The following NKAIN2 variants were observed in gnomAD, a reference collection of about 807,000 sequenced individuals.
NKAIN2 encodes sodium/potassium transporting ATPase interacting 2, also known as sodium/potassium-transporting ATPase subunit beta-1-interacting protein 2.
Under a neutral mutation model 32.6 loss-of-function variants are expected in NKAIN2, and 14 were observed. The ratio of observed to expected loss-of-function variants is 0.43; its 90% CI spans 0.28 to 0.67. The LOEUF (loss-of-function observed/expected upper bound fraction) is 0.67. Among genes scored for constraint, NKAIN2 ranks in the 30% least tolerant of loss-of-function variants. The pLI, the probability that NKAIN2 is intolerant of heterozygous loss-of-function variation, is 0.17. For synonymous variants in NKAIN2, 80 were observed against 87.2 expected, an observed-to-expected ratio of 0.92 and a Z score of 0.46; for missense variants, 198 against 258.3, an observed-to-expected ratio of 0.77 and a Z score of 1.60.
chr6:123,869,203 A>C (rs1263222082), intron 1 of NKAIN2, among the ~76,000 whole-genome samples: 1 of 152,250 alleles, frequency 6.6e-6, no homozygotes, highest in African/African-American at 2.4e-5. Flanking sequence ...CAGTTACTCC[A>C]TAAAATAGGC....
intron 1 of NKAIN2, among the ~76,000 whole-genome samples, chr6:123,892,214 G>A (rs1362130927): frequency 6.6e-6 from 1 of 152,158 alleles, no homozygotes; most frequent in Non-Finnish European, 1.5e-5. Flanking sequence ...AATGTGCAGT[G>A]CCCTTTAACA....
chr6:124,181,324 T>C (rs531700830), intron 1 of NKAIN2, among the ~76,000 whole-genome samples: 5 of 152,230 alleles, frequency 3.3e-5, no homozygotes, highest in African/African-American at 1.2e-4. Flanking sequence ...TGGGAGGGGA[T>C]TCCATGAAGA....
chr6:124,640,680 G>C (rs148302524), intron 3 of NKAIN2, among the ~76,000 whole-genome samples: 1 of 152,302 alleles, frequency 6.6e-6, no homozygotes, highest in East Asian at 1.9e-4. Flanking sequence ...GCGTGAAAGA[G>C]AGAAGACTCA....
At chr6:124,163,510 G>T (rs1270098132) in intron 1 of NKAIN2, among the ~76,000 whole-genome samples, 1 of 124,768 alleles carries the variant, frequency 8.0e-6, no homozygotes, top group African/African-American at 2.6e-5. Context: ...CTCAAATGAT[G>T]TTTCTAAACA....
chr6:124,596,228 G>A (rs1185507300), intron 3 of NKAIN2, among the ~76,000 whole-genome samples: 1 of 152,164 alleles, frequency 6.6e-6, no homozygotes, highest in Non-Finnish European at 1.5e-5. Flanking sequence ...TACTTAGGGG[G>A]CATCAGGGAT....
At chr6:124,782,462 A>T (rs1779314050) in intron 4 of NKAIN2, among the ~76,000 whole-genome samples, 1 of 152,102 alleles carries the variant, frequency 6.6e-6, no homozygotes. Flanking sequence ...GCAACTAAAT[A>T]TTTTAATACA....
intron 3 of NKAIN2, among the ~76,000 whole-genome samples, chr6:124,498,779 G>A (rs1778168259): frequency 6.6e-6 from 1 of 152,014 alleles, no homozygotes. Flanking sequence ...TTACATCAGT[G>A]GGTAGTATTT....
chr6:124,134,467 C>T (rs957345352), intron 1 of NKAIN2, among the ~76,000 whole-genome samples: 22 of 152,152 alleles, frequency 1.4e-4, no homozygotes, highest in African/African-American at 5.1e-4. Flanking sequence ...GGGTGGATCA[C>T]ATGCTCAGGA....
intron 1 of NKAIN2, among the ~76,000 whole-genome samples, chr6:123,838,187 T>C (rs1422227384): frequency 6.6e-6 from 1 of 152,144 alleles, no homozygotes; most frequent in Non-Finnish European, 1.5e-5. Flanking sequence ...TTTTCTGAAA[T>C]CAAGAGAACT....
intron 1 of NKAIN2, among the ~76,000 whole-genome samples, chr6:124,220,162 T>G (rs542543404): frequency 6.6e-6 from 1 of 152,086 alleles, no homozygotes; most frequent in South Asian, 2.1e-4. Flanking sequence ...TAATAGTGAG[T>G]GAGTTCTCAC....
chr6:124,011,479 T>C (rs1432328318), intron 1 of NKAIN2, among the ~76,000 whole-genome samples: 1 of 152,064 alleles, frequency 6.6e-6, no homozygotes, highest in East Asian at 1.9e-4. Context: ...ATAGTCAACT[T>C]ATCCAAAACC....
chr6:124,233,921 A>G (rs953190003), intron 1 of NKAIN2, among the ~76,000 whole-genome samples: 1 of 152,152 alleles, frequency 6.6e-6, no homozygotes, highest in Non-Finnish European at 1.5e-5. Context: ...GTTTTCCCCC[A>G]TTAGTAATCA....
intron 1 of NKAIN2, among the ~76,000 whole-genome samples, chr6:124,270,125 A>G (rs1794689927): frequency 6.6e-6 from 1 of 152,150 alleles, no homozygotes; most frequent in Non-Finnish European, 1.5e-5. Flanking sequence ...CCTGATGACA[A>G]CAGCTCACAC....
At chr6:124,822,162 T>C (rs1045766175) in intron 6 of NKAIN2, among the ~76,000 whole-genome samples, 4 of 152,182 alleles carry the variant, frequency 2.6e-5, no homozygotes, top group Admixed American at 6.5e-5. Context: ...CTTTTCAACT[T>C]CATAGCCCAC....
intron 4 of NKAIN2, among the ~76,000 whole-genome samples, chr6:124,675,639 A>G (rs1418813836): frequency 3.3e-5 from 5 of 152,044 alleles, no homozygotes; most frequent in Admixed American, 6.6e-5. Flanking sequence ...TTGTTGCTGT[A>G]TAATTATTCA....
At chr6:124,696,425 T>C (rs1176938850) in intron 4 of NKAIN2, among the ~76,000 whole-genome samples, 1 of 152,228 alleles carries the variant, frequency 6.6e-6, no homozygotes, top group African/African-American at 2.4e-5. Flanking sequence ...ACATACAAAC[T>C]GGTTTTGCTT....
chr6:124,576,345 A>ATT (rs34113391), intron 3 of NKAIN2, among the ~76,000 whole-genome samples: 12 of 152,076 alleles, frequency 7.9e-5, no homozygotes, highest in Middle Eastern at 3.4e-3. Flanking sequence ...TATTTGGCAG[A>ATT]TTTTTTTGTG....
chr6:123,906,118 T>C (rs890230560), intron 1 of NKAIN2, among the ~76,000 whole-genome samples: 1 of 152,196 alleles, frequency 6.6e-6, no homozygotes. Flanking sequence ...ATTTCTCCAT[T>C]ATATAGTAAT....
At chr6:124,495,881 C>T (rs911580348) in intron 3 of NKAIN2, among the ~76,000 whole-genome samples, 2 of 151,984 alleles carry the variant, frequency 1.3e-5, no homozygotes, top group Non-Finnish European at 2.9e-5. Flanking sequence ...TCAGCAGTGG[C>T]CTTTTGAGAT....
Sources: allele counts gnomAD v4.1 joint callset (sites outside exome capture counted in the v4.1 genomes callset), GRCh38; gene constraint gnomAD v4.1.1; transcripts MANE v1.5; gene names NCBI Gene and HGNC (gene_info 2026-07-23, HGNC 2026-07-21).